Variants in CSMD1 observed in about 807,000 individuals in gnomAD.
CSMD1 encodes the protein CUB and Sushi multiple domains 1, also known as CUB and sushi domain-containing protein 1.
A neutral mutation model predicts 417.5 loss-of-function variants in CSMD1; 213 were observed. The observed-to-expected ratio is 0.51, with a 90% CI of 0.46 to 0.57. The LOEUF is 0.57. Among genes scored for constraint, CSMD1 ranks in the 20% least tolerant of loss-of-function variants. The pLI, the probability that CSMD1 is intolerant of heterozygous loss-of-function variation, is 0.00. For synonymous variants in CSMD1, 2,862 were observed against 1,736.8 expected (o/e 1.65, Z -16.11); for missense variants, 6,923 against 4,529.7 (o/e 1.53, Z -15.17).
chr8:4,168,973 C>T (rs112112349), intron 3 of CSMD1, among the ~76,000 whole-genome samples: 120 of 152,162 alleles, frequency 7.9e-4, no homozygotes, highest in African/African-American at 2.7e-3. Flanking sequence ...ATCCTCAGGC[C>T]GTTCTCCTCA....
At chr8:4,065,618 A>C (rs1222423190) in intron 3 of CSMD1, among the ~76,000 whole-genome samples, 2 of 152,216 alleles carry the variant, frequency 1.3e-5, no homozygotes, top group African/African-American at 4.8e-5. Flanking sequence ...AGACTCATGA[A>C]TGAAGCTCAT....
rs144287794 is a variant in CSMD1 at position 4,403,550 on chromosome 8, C to T, written c.415+16403G>A. On this transcript the variant is annotated intron_variant, in intron 3 of 69. Coordinates refer to ENST00000635120, the MANE Select transcript of CSMD1 (RefSeq NM_033225.6). ...AGTATCATTCGCCAGGGCTGATCAC[C>T]TCTTCCTTCCTGAAAGGCTTGAGTT... is the stretch of plus-strand genomic sequence containing the variant. Among the ~76,000 whole-genome samples the T allele has an allele frequency of 1.1e-3, 175 of 152,298 alleles. 1 individual carries two copies. Among genetic ancestry groups the T allele is most frequent in the African/African-American group, 3.9e-3 (164 of 41,572 alleles).
intron 3 of CSMD1, among the ~76,000 whole-genome samples, chr8:4,034,558 T>C (rs572372375): frequency 6.6e-6 from 1 of 152,302 alleles, no homozygotes; most frequent in Admixed American, 6.5e-5. Flanking sequence ...TTCCATTTTA[T>C]CAGGGCAGCC....
chr8:4,246,947 G>A (rs1802750318), intron 3 of CSMD1, among the ~76,000 whole-genome samples: 1 of 152,040 alleles, frequency 6.6e-6, no homozygotes, highest in Non-Finnish European at 1.5e-5. Context: ...AGATAATATT[G>A]AAAACTATGG....
chr8:3,900,628 A>G (rs2627426), intron 5 of CSMD1, among the ~76,000 whole-genome samples: 135,104 of 151,842 alleles, frequency 0.89, 60,370 homozygotes, highest in East Asian at 0.96. Flanking sequence ...TAAGTTGGGT[A>G]ACAGTGCAGC....
At chr8:4,558,542 G>C (rs763886905) in intron 2 of CSMD1, among the ~76,000 whole-genome samples, 2 of 152,128 alleles carry the variant, frequency 1.3e-5, no homozygotes, top group African/African-American at 2.4e-5. Context: ...CCGAAAGCAA[G>C]TACCTTGCTC....
chr8:4,906,981 T>A (rs1377036748), intron 1 of CSMD1, among the ~76,000 whole-genome samples: 1 of 152,236 alleles, frequency 6.6e-6, no homozygotes, highest in African/African-American at 2.4e-5. Flanking sequence ...TATAGCACAA[T>A]TGTACTTATT....
At chr8:4,140,221 G>A (rs1017066261) in intron 3 of CSMD1, among the ~76,000 whole-genome samples, 8 of 122,002 alleles carry the variant, frequency 6.6e-5, no homozygotes, top group Non-Finnish European at 1.3e-4. Context: ...AAATTCATCT[G>A]GATATGAAGG....
In CSMD1 at chr8:4,399,564, C is replaced by T. The variant is rs541816854; in HGVS notation, c.415+20389G>A. On this transcript the variant is annotated intron_variant, in intron 3 of 69. Transcript: ENST00000635120. ...CTGGCCACCTAACTGGCATAATCCC[C>T]CTTTTTTGTCTTTATACCACCCCTG... Among the ~76,000 whole-genome samples, 6 of 152,220 alleles carry T rather than the reference C, an allele frequency of 3.9e-5. No homozygotes were observed. The East Asian group carries it at 1.2e-3, about 29-fold the overall frequency.
chr8:4,541,361 T>A (rs1797374923), intron 2 of CSMD1, among the ~76,000 whole-genome samples: 1 of 152,208 alleles, frequency 6.6e-6, no homozygotes, highest in Non-Finnish European at 1.5e-5. Context: ...GATTTTAATG[T>A]GTTAAAGTGT....
chr8:3,399,988 T>TA (rs1446382892), intron 15 of CSMD1, among the ~76,000 whole-genome samples: 2 of 152,172 alleles, frequency 1.3e-5, no homozygotes, highest in African/African-American at 4.8e-5. Context: ...TGCATTTTAT[T>TA]AAAATAAATA....
chr8:4,052,258 A>T (rs1798472018), intron 3 of CSMD1, among the ~76,000 whole-genome samples: 1 of 152,220 alleles, frequency 6.6e-6, no homozygotes. Context: ...GTGGGAGTCC[A>T]GACAGGGCAC....
At chr8:4,365,873 T>C (rs913480181) in intron 3 of CSMD1, among the ~76,000 whole-genome samples, 14 of 152,206 alleles carry the variant, frequency 9.2e-5, no homozygotes, top group African/African-American at 3.4e-4. Flanking sequence ...ACTTAAAGAG[T>C]AATTTTCTTT....
intron 48 of CSMD1, among the ~76,000 whole-genome samples, chr8:3,091,065 T>C (rs926589077): frequency 6.6e-5 from 10 of 152,014 alleles, no homozygotes; most frequent in African/African-American, 2.2e-4. Context: ...CAAATATATA[T>C]ATACACATAT....
At chr8:4,284,133 C>A (rs1276722834) in intron 3 of CSMD1, among the ~76,000 whole-genome samples, 2 of 151,960 alleles carry the variant, frequency 1.3e-5, no homozygotes, top group Non-Finnish European at 2.9e-5. Flanking sequence ...TTTGGGAGGC[C>A]GAGAAGGGTG....
intron 1 of CSMD1, among the ~76,000 whole-genome samples, chr8:4,863,675 G>A (rs932349850): frequency 6.6e-6 from 1 of 151,998 alleles, no homozygotes; most frequent in African/African-American, 2.4e-5. Flanking sequence ...GAATCTAAAT[G>A]TGTGCATATC....
intron 1 of CSMD1, among the ~76,000 whole-genome samples, chr8:4,916,897 T>C (rs1806101910): frequency 6.6e-6 from 1 of 152,258 alleles, no homozygotes; most frequent in South Asian, 2.1e-4. Context: ...TTACAGTTTT[T>C]GACTGGTGAT....
In CSMD1 at chr8:4,311,485, G is replaced by A. The variant is rs189116602; in HGVS notation, c.415+108468C>T. 3.3e-3 allele frequency among the ~76,000 whole-genome samples: 505 copies of A among 152,226 alleles called. 4 individuals are homozygous for A. Among genetic ancestry groups the A allele is most frequent in the Non-Finnish European group, 4.2e-3 (285 of 68,032 alleles). ...CAGCTGTAATCCCAGCATTTCAGAA[G>A]GCCAAGTTGGGCAGATCACCTGAGA... is the stretch of plus-strand genomic sequence containing the variant. On this transcript the variant is annotated intron_variant, in intron 3 of 69. Transcript: ENST00000635120.
chr8:3,347,849 T>G lies in CSMD1; in HGVS notation c.3474+143A>C, dbSNP rs114730137. ...GAAGTGACATTACACCTTCTCAAACTCATTGTGTAAATAAATACAAATAAA... is the reference window on the plus strand; with the variant it reads ...GAAGTGACATTACACCTTCTCAAACGCATTGTGTAAATAAATACAAATAAA... On this transcript the variant is annotated intron_variant, in intron 22 of 69. Transcript: ENST00000635120. 1,225 of 562,850 alleles carry G rather than the reference T, an allele frequency of 2.2e-3. 14 individuals carry two copies. The highest frequency in any genetic ancestry group is 0.021 in the African/African-American group (1,048 of 50,962). The allele number at this position is 562,850 out of a possible 1,614,324, so 34.9% of individuals were successfully genotyped here. A position where few individuals can be genotyped will look rare whatever the true frequency, so the allele number is the denominator to read the frequency against.
Sources: allele counts gnomAD v4.1 joint callset (sites outside exome capture counted in the v4.1 genomes callset), GRCh38; gene constraint gnomAD v4.1.1; transcripts MANE v1.5; gene names NCBI Gene and HGNC (gene_info 2026-07-23, HGNC 2026-07-21).